Variants in ADA2 observed in about 807,000 individuals in gnomAD.
ADA2 encodes adenosine deaminase CECR1.
A neutral mutation model predicts 44.2 loss-of-function variants in ADA2; 29 were observed. That is an observed-to-expected ratio of 0.66 (90% CI 0.49 to 0.89). The LOEUF (loss-of-function observed/expected upper bound fraction) is 0.89, where lower values mean the gene tolerates loss of function less well. Ranked by LOEUF, ADA2 falls within the 40% of genes least tolerant of loss-of-function variation. The probability of loss-of-function intolerance (pLI) is 0.00; values close to 1 mark genes in which losing one functional copy is unlikely to be tolerated. For missense variants in ADA2, 637 were observed against 644.8 expected (o/e 0.99, Z 0.13); for synonymous variants, 215 against 234.9 (o/e 0.92, Z 0.77).
intron 4 of ADA2, among the ~76,000 whole-genome samples, chr22:17,201,708 C>A (rs982106046): frequency 1.3e-5 from 2 of 152,192 alleles, no homozygotes; most frequent in Non-Finnish European, 2.9e-5. Flanking sequence ...CTCCAATAAA[C>A]TCACTGAAAT....
rs528493900 is a variant in ADA2 at position 17,192,500 on chromosome 22, T to C, written c.754-690A>G. Among the ~76,000 whole-genome samples the C allele has an allele frequency of 2.0e-5, 3 of 149,562 alleles. No homozygotes were observed. In the South Asian group the frequency reaches 6.4e-4, roughly 32 times the overall value. ...CACAGTGAGAGCAGAGTGGGGAGAG[T>C]TGGGAGTGGGCAGGTGACAAGGAAG... On this transcript the variant is annotated intron_variant, in intron 4 of 9. Transcript: ENST00000399837.
intron 1 of ADA2, chr22:17,213,370 C>T (rs1425437891): frequency 1.2e-5 from 2 of 160,966 alleles, no homozygotes; most frequent in Non-Finnish European, 2.7e-5. Flanking sequence ...ATCAGTATGT[C>T]AAAGGGATAC....
intron 4 of ADA2, among the ~76,000 whole-genome samples, chr22:17,202,794 T>TGG (rs2062306647): frequency 6.7e-6 from 1 of 150,110 alleles, no homozygotes; most frequent in Admixed American, 6.7e-5. Context: ...TGTGTGTGTG[T>TGG]GTTTTTTGAG....
At chr22:17,200,965 G>C (rs2062276840) in intron 4 of ADA2, among the ~76,000 whole-genome samples, 1 of 151,722 alleles carries the variant, frequency 6.6e-6, no homozygotes, top group Non-Finnish European at 1.5e-5. Context: ...CCACAAACTG[G>C]AATAACTTGA....
In ADA2 at chr22:17,191,699, T is replaced by C; in HGVS notation, c.865A>G (p.Ile289Val). ...CTCTCTCACCTGTGATCCGAATAAA[T>C]GATTTTGATTCCAATAAACTCAGGG... ...THPEFIGIKI[I>V]YSDHRSKDVA... The change falls in exon 5 of 10, where the codon ATT becomes GTT. Residue 289 changes from isoleucine to valine, a missense_variant. Physicochemically the swap from Ile to Val is conservative, Grantham distance 29. Transcript: ENST00000399837. The C allele has an allele frequency of 6.2e-7, 1 of 1,613,468 alleles. No individual in the cohort carries two copies. The highest frequency in any genetic ancestry group is 8.5e-7 in the Non-Finnish European group (1 of 1,179,630).
chr22:17,217,802 T>C (rs1264074862), intron 1 of ADA2, among the ~76,000 whole-genome samples: 1 of 152,130 alleles, frequency 6.6e-6, no homozygotes, highest in Admixed American at 6.6e-5. Flanking sequence ...AGCAAGACTC[T>C]GTCTCAAAAA....
At chr22:17,215,334 C>T (rs12168065) in intron 1 of ADA2, among the ~76,000 whole-genome samples, 18,690 of 152,220 alleles carry the variant, frequency 0.12, 1,473 homozygotes, top group Middle Eastern at 0.2. Flanking sequence ...GGCACGGTGG[C>T]TTACGCCTGT....
chr22:17,206,943 C>T (rs978523724), intron 3 of ADA2, 128 bp downstream of exon 3: 11 of 686,676 alleles, frequency 1.6e-5, no homozygotes, highest in African/African-American at 3.6e-5. Flanking sequence ...CGTGAACCAC[C>T]GCACTCAGCC....
intron 5 of ADA2, among the ~76,000 whole-genome samples, chr22:17,191,191 G>A (rs2062109991): frequency 6.6e-6 from 1 of 152,170 alleles, no homozygotes; most frequent in Admixed American, 6.5e-5. Flanking sequence ...AAAAGAGTGG[G>A]TCTTTCACCC....
chr22:17,188,199 G>A (rs969945323), intron 7 of ADA2, 140 bp downstream of exon 7: 27 of 566,438 alleles, frequency 4.8e-5, no homozygotes, highest in Non-Finnish European at 7.3e-5. Flanking sequence ...CCATGGGGCT[G>A]TTGTCAGGAT....
At chr22:17,209,232 A>G in intron 2 of ADA2, 124 bp downstream of exon 2, 1 of 815,016 alleles carries the variant, frequency 1.2e-6, no homozygotes. Context: ...ACAGAGGAGC[A>G]GAACAGCTGA....
chr22:17,210,700 C>T lies in ADA2; in HGVS notation c.-46-977G>A, dbSNP rs1178532309. Among the ~76,000 whole-genome samples, 6 of 151,358 alleles carry T rather than the reference C, an allele frequency of 4.0e-5. No individual in the cohort carries two copies. In the Admixed American group the frequency reaches 4.0e-4, roughly 10 times the overall value. On this transcript the variant is annotated intron_variant, in intron 1 of 9. Transcript: ENST00000399837. ...ACAACCTCCGCCTCCAGGGTTTAAG[C>T]GATTCTCGTGCCTCAGCCTCCCAAG...
At chr22:17,218,461 C>T (rs966449507) in intron 1 of ADA2, among the ~76,000 whole-genome samples, 25 of 152,076 alleles carry the variant, frequency 1.6e-4, no homozygotes, top group African/African-American at 4.3e-4. Flanking sequence ...TTTTTGACCA[C>T]GGTGTTTGCC....
chr22:17,193,207 A>G, intron 4 of ADA2: 2 of 1,226,924 alleles, frequency 1.6e-6, no homozygotes, highest in Admixed American at 1.8e-5. Flanking sequence ...CATCGCTCAC[A>G]ACGTTTCCTC....
chr22:17,197,740 C>T (rs2062210634), intron 4 of ADA2, among the ~76,000 whole-genome samples: 2 of 152,292 alleles, frequency 1.3e-5, no homozygotes, highest in Middle Eastern at 3.4e-3. Context: ...GATTTTGAGG[C>T]TTTAAAAGTT....
At chr22:17,189,747 C>T in intron 6 of ADA2, 195 bp downstream of exon 6, 2 of 542,336 alleles carry the variant, frequency 3.7e-6, no homozygotes, top group South Asian at 4.4e-5. Flanking sequence ...GACAGCCGTC[C>T]CCTGTAGGCC....
intron 4 of ADA2, among the ~76,000 whole-genome samples, chr22:17,195,665 C>T (rs2062181240): frequency 6.6e-6 from 1 of 152,014 alleles, no homozygotes; most frequent in Admixed American, 6.6e-5. Context: ...CATGGATGTA[C>T]AGTAGAATTT....
At chr22:17,181,617 G>A (rs539046656) in intron 9 of ADA2, 41 bp from the exon 10 acceptor site, 4 of 1,438,028 alleles carry the variant, frequency 2.8e-6, no homozygotes, top group Admixed American at 1.7e-5. Context: ...TCAGGGCAGG[G>A]GTTGGGGAAC....
intron 1 of ADA2, chr22:17,213,474 G>T: frequency 4.6e-6 from 1 of 216,838 alleles, no homozygotes; most frequent in Non-Finnish European, 9.4e-6. Context: ...TAAAGAAAAC[G>T]TGGCAAGTCC....
Sources: allele counts gnomAD v4.1 joint callset (sites outside exome capture counted in the v4.1 genomes callset), GRCh38; gene constraint gnomAD v4.1.1; transcripts MANE v1.5; gene names NCBI Gene and HGNC (gene_info 2026-07-23, HGNC 2026-07-21).